Variants in SPAG16 observed in about 807,000 individuals in gnomAD.
The protein encoded by SPAG16 is sperm associated antigen 16, also known as sperm-associated antigen 16 protein.
SPAG16 carries 86 observed loss-of-function variants against 80.4 expected under a neutral mutation model. The observed-to-expected ratio is 1.07, with a 90% CI of 0.90 to 1.28. SPAG16 has a LOEUF of 1.28. Among genes scored for constraint, SPAG16 ranks in the 50% most tolerant of loss-of-function variants. The pLI, the probability that SPAG16 is intolerant of heterozygous loss-of-function variation, is 0.00. For synonymous variants in SPAG16, 294 were observed against 265.9 expected (o/e 1.11, Z -1.03); for missense variants, 870 against 765.3 (o/e 1.14, Z -1.61).
intron 10 of SPAG16, among the ~76,000 whole-genome samples, chr2:213,762,086 C>A (rs939992373): frequency 1.3e-5 from 2 of 151,684 alleles, no homozygotes; most frequent in African/African-American, 4.8e-5. Flanking sequence ...ATTAAGAGAA[C>A]AAAGAAGAAA....
chr2:213,392,308 A>T (rs930823400), intron 9 of SPAG16, among the ~76,000 whole-genome samples: 1 of 152,212 alleles, frequency 6.6e-6, no homozygotes, highest in Admixed American at 6.5e-5. Flanking sequence ...CTTTGCAGCT[A>T]TTATTATTAC....
At chr2:213,627,417 GTCTT>G (rs1475815401) in intron 10 of SPAG16, among the ~76,000 whole-genome samples, 1 of 152,156 alleles carries the variant, frequency 6.6e-6, no homozygotes, top group Non-Finnish European at 1.5e-5. Flanking sequence ...TGGCTATCAG[GTCTT>G]TCTTCTTTCA....
chr2:213,599,904 C>A (rs535995972), intron 10 of SPAG16, among the ~76,000 whole-genome samples: 34 of 151,958 alleles, frequency 2.2e-4, no homozygotes, highest in Non-Finnish European at 3.5e-4. Context: ...GTTTCACCAT[C>A]TTGGTCAGGC....
chr2:213,814,463 TG>T (rs1268354949), intron 10 of SPAG16, among the ~76,000 whole-genome samples: 6 of 152,276 alleles, frequency 3.9e-5, no homozygotes, highest in African/African-American at 1.2e-4. Flanking sequence ...ACCATCACAA[TG>T]GTCAGTATCA....
chr2:214,397,158 C>G (rs375800618), intron 15 of SPAG16, among the ~76,000 whole-genome samples: 21 of 129,964 alleles, frequency 1.6e-4, no homozygotes, highest in African/African-American at 6.0e-4. Context: ...TTTTAATTTT[C>G]TTTTTTTTTT....
intron 10 of SPAG16, among the ~76,000 whole-genome samples, chr2:213,661,757 G>C (rs573922556): frequency 1.3e-5 from 2 of 152,162 alleles, no homozygotes; most frequent in East Asian, 3.9e-4. Context: ...GTTTTTCCCT[G>C]AAAGATAATT....
chr2:214,229,300 C>T (rs1318322226), intron 15 of SPAG16, among the ~76,000 whole-genome samples: 1 of 151,668 alleles, frequency 6.6e-6, no homozygotes, highest in Non-Finnish European at 1.5e-5. Flanking sequence ...TGAGGTGTAA[C>T]TAATCTTTCA....
intron 7 of SPAG16, among the ~76,000 whole-genome samples, chr2:213,353,809 C>T (rs192487810): frequency 7.9e-4 from 121 of 152,290 alleles, no homozygotes; most frequent in Non-Finnish European, 1.2e-3. Flanking sequence ...TCCTGATTTA[C>T]ACCTATTTGC....
At chr2:213,360,385 C>T (rs1476306948) in intron 7 of SPAG16, among the ~76,000 whole-genome samples, 3 of 152,172 alleles carry the variant, frequency 2.0e-5, no homozygotes, top group Non-Finnish European at 4.4e-5. Flanking sequence ...AGGTGGAAGA[C>T]ACATGATTCT....
At chr2:213,532,995 A>C (rs1049274382) in intron 10 of SPAG16, among the ~76,000 whole-genome samples, 1 of 152,312 alleles carries the variant, frequency 6.6e-6, no homozygotes, top group African/African-American at 2.4e-5. Context: ...ACAGCCATTC[A>C]AAAAATAAAC....
intron 13 of SPAG16, among the ~76,000 whole-genome samples, chr2:214,033,567 A>G (rs540416439): frequency 1.7e-4 from 26 of 152,296 alleles, no homozygotes; most frequent in Admixed American, 1.3e-3. Context: ...CCATTTATTC[A>G]TGCCTTCATG....
intron 15 of SPAG16, among the ~76,000 whole-genome samples, chr2:214,171,625 G>T (rs1037829585): frequency 1.3e-5 from 2 of 151,778 alleles, no homozygotes; most frequent in African/African-American, 4.8e-5. Flanking sequence ...TGCTTTTAAA[G>T]AACTTTGGCT....
At chr2:214,294,271 C>T (rs150197599) in intron 15 of SPAG16, among the ~76,000 whole-genome samples, 1 of 152,272 alleles carries the variant, frequency 6.6e-6, no homozygotes, top group Admixed American at 6.5e-5. Context: ...GAATGTGGAG[C>T]CCTGGGGATC....
intron 10 of SPAG16, among the ~76,000 whole-genome samples, chr2:213,510,648 C>T (rs2075189327): frequency 6.6e-6 from 1 of 152,160 alleles, no homozygotes; most frequent in African/African-American, 2.4e-5. Flanking sequence ...CCTACACTAT[C>T]ACTTGTTGAC....
chr2:213,868,730 A>G (rs1217883480), intron 11 of SPAG16, among the ~76,000 whole-genome samples: 1 of 152,194 alleles, frequency 6.6e-6, no homozygotes, highest in Non-Finnish European at 1.5e-5. Flanking sequence ...ACAGTGCCAC[A>G]TTTTATCCTG....
chr2:213,800,546 A>T (rs1286146264), intron 10 of SPAG16, among the ~76,000 whole-genome samples: 6 of 151,990 alleles, frequency 3.9e-5, no homozygotes, highest in South Asian at 2.1e-4. Context: ...TTGATTTTTT[A>T]AAAATTTTTA....
chr2:214,059,198 ATATATATATATATATATGTATGTG>A (rs1576015184), intron 13 of SPAG16, among the ~76,000 whole-genome samples: 1 of 51,170 alleles, frequency 2.0e-5, no homozygotes, highest in East Asian at 4.0e-4. Context: ...ATATATATAT[ATATATATATATATATATGTATGTG>A]TATATATATA....
chr2:213,727,952 G>A (rs938530095), intron 10 of SPAG16, among the ~76,000 whole-genome samples: 5 of 151,880 alleles, frequency 3.3e-5, no homozygotes, highest in South Asian at 4.1e-4. Flanking sequence ...GGGTTCAAGC[G>A]ATTCTTCTTC....
At chr2:213,377,066 T>C (rs2066914396) in intron 9 of SPAG16, among the ~76,000 whole-genome samples, 1 of 152,200 alleles carries the variant, frequency 6.6e-6, no homozygotes, top group Non-Finnish European at 1.5e-5. Flanking sequence ...CCAATGGAGA[T>C]AAATGATCTA....
Sources: allele counts gnomAD v4.1 joint callset (sites outside exome capture counted in the v4.1 genomes callset), GRCh38; gene constraint gnomAD v4.1.1; transcripts MANE v1.5; gene names NCBI Gene and HGNC (gene_info 2026-07-23, HGNC 2026-07-21).